Variants in TAFA1 observed in about 807,000 individuals in gnomAD.
TAFA1 encodes chemokine-like protein TAFA-1.
In TAFA1, 4 loss-of-function variants were observed where a neutral mutation model predicts 18.5. That is an observed-to-expected ratio of 0.22 (90% CI 0.11 to 0.49). TAFA1 has a LOEUF of 0.49. TAFA1 is among the 20% of genes least tolerant of loss of function. TAFA1 has a pLI of 0.98. For synonymous variants in TAFA1, 56 were observed against 55.2 expected (o/e 1.01, Z -0.06); for missense variants, 147 against 169.0 (o/e 0.87, Z 0.72).
At chr3:68,094,197 A>G (rs962476220) in intron 2 of TAFA1, among the ~76,000 whole-genome samples, 3 of 152,132 alleles carry the variant, frequency 2.0e-5, no homozygotes, top group African/African-American at 7.2e-5. Flanking sequence ...CAAAAATATG[A>G]TACCTAAAAA....
chr3:68,280,699 G>T (rs766613190), intron 2 of TAFA1, among the ~76,000 whole-genome samples: 1 of 152,050 alleles, frequency 6.6e-6, no homozygotes, highest in African/African-American at 2.4e-5. Flanking sequence ...CACTTTCATG[G>T]ATCTAAAAAT....
At chr3:68,535,823 AG>A (rs1182259405) in intron 3 of TAFA1, among the ~76,000 whole-genome samples, 2 of 152,068 alleles carry the variant, frequency 1.3e-5, no homozygotes, top group Non-Finnish European at 2.9e-5. Flanking sequence ...AGGTTTTTAA[AG>A]GGGGAAAAAT....
intron 2 of TAFA1, among the ~76,000 whole-genome samples, chr3:68,060,955 G>T (rs1185028447): frequency 1.3e-5 from 2 of 152,118 alleles, no homozygotes; most frequent in Admixed American, 6.6e-5. Flanking sequence ...ATCCACAGTG[G>T]GTGTGACATA....
rs540378634 is a variant in TAFA1 at position 68,251,085 on chromosome 3, A to C, written c.119-166195A>C. 2.0e-3 allele frequency among the ~76,000 whole-genome samples: 292 copies of C among 147,190 alleles called. 1 individual carries two copies. The highest frequency in any genetic ancestry group is 3.6e-3 in the Non-Finnish European group (237 of 65,962). On this transcript the variant is annotated intron_variant, in intron 2 of 4. Transcript: ENST00000478136. ...AGATTATTGTTAATCAAGAAAAAAA[A>C]ACCAAAATAAATTATTAGTCTATTA...
At chr3:68,362,929 T>A (rs555202717) in intron 2 of TAFA1, among the ~76,000 whole-genome samples, 1 of 131,432 alleles carries the variant, frequency 7.6e-6, no homozygotes, top group Non-Finnish European at 1.6e-5. Flanking sequence ...AATCCCAAAT[T>A]AGATTTCTTC....
chr3:68,527,152 C>T (rs973133892), intron 3 of TAFA1, among the ~76,000 whole-genome samples: 2 of 152,092 alleles, frequency 1.3e-5, no homozygotes, highest in African/African-American at 2.4e-5. Flanking sequence ...TTAGTGAAAG[C>T]AAGACCAACA....
intron 2 of TAFA1, among the ~76,000 whole-genome samples, chr3:68,209,819 A>G (rs1207391372): frequency 5.9e-5 from 9 of 152,040 alleles, no homozygotes; most frequent in South Asian, 2.1e-4. Context: ...AATAAGAGGC[A>G]TAAAACCCAC....
chr3:68,120,795 G>A (rs1322786762), intron 2 of TAFA1, among the ~76,000 whole-genome samples: 1 of 152,074 alleles, frequency 6.6e-6, no homozygotes, highest in African/African-American at 2.4e-5. Flanking sequence ...CTATGGTAGG[G>A]GATCTCCTCA....
intron 2 of TAFA1, among the ~76,000 whole-genome samples, chr3:68,115,032 C>A (rs2065308828): frequency 6.6e-6 from 1 of 151,930 alleles, no homozygotes; most frequent in South Asian, 2.1e-4. Flanking sequence ...TCATAGAAGA[C>A]AAATGTATGA....
chr3:68,353,490 T>C (rs900170077), intron 2 of TAFA1, among the ~76,000 whole-genome samples: 1 of 152,100 alleles, frequency 6.6e-6, no homozygotes, highest in Non-Finnish European at 1.5e-5. Context: ...TGAGAAGTTT[T>C]TGATGCTTTA....
At chr3:68,409,632 T>A (rs557527486) in intron 2 of TAFA1, among the ~76,000 whole-genome samples, 1 of 152,284 alleles carries the variant, frequency 6.6e-6, no homozygotes, top group East Asian at 1.9e-4. Flanking sequence ...TCTCTGGTAG[T>A]ATCTTTATAG....
At chr3:68,395,001 G>A (rs2070345338) in intron 2 of TAFA1, among the ~76,000 whole-genome samples, 2 of 152,078 alleles carry the variant, frequency 1.3e-5, no homozygotes, top group Admixed American at 6.6e-5. Context: ...TATCATCTGA[G>A]TGAACAGGCA....
intron 3 of TAFA1, among the ~76,000 whole-genome samples, chr3:68,430,093 G>C (rs2071139401): frequency 6.6e-6 from 1 of 151,912 alleles, no homozygotes; most frequent in African/African-American, 2.4e-5. Context: ...GACAGACCAT[G>C]ATCTAATCAT....
At chr3:68,071,237 T>A (rs1195737567) in intron 2 of TAFA1, among the ~76,000 whole-genome samples, 1 of 152,178 alleles carries the variant, frequency 6.6e-6, no homozygotes. Context: ...GAGGAGGAAG[T>A]CACACCTTAT....
intron 2 of TAFA1, among the ~76,000 whole-genome samples, chr3:68,202,661 T>C (rs2066481604): frequency 6.6e-6 from 1 of 151,714 alleles, no homozygotes; most frequent in Admixed American, 6.6e-5. Context: ...ATGGGTACTG[T>C]GAGTAACTTA....
intron 2 of TAFA1, among the ~76,000 whole-genome samples, chr3:68,333,652 T>G (rs1309999670): frequency 2.6e-5 from 4 of 152,142 alleles, no homozygotes; most frequent in African/African-American, 4.8e-5. Context: ...AACTAACATG[T>G]AATCTAACAA....
rs184073092 is a variant in TAFA1, at chr3:68,059,316, T to G, written c.118+52572T>G. Among the ~76,000 whole-genome samples, 1,114 of 152,274 alleles carry G rather than the reference T, an allele frequency of 7.3e-3. 9 individuals carry two copies. The highest frequency in any genetic ancestry group is 0.025 in the South Asian group (121 of 4,814). On this transcript the variant is annotated intron_variant, in intron 2 of 4. Coordinates refer to ENST00000478136, the MANE Select transcript of TAFA1 (RefSeq NM_213609.4). ...AAATGTTATATATATATGAAACATT[T>G]GTTCCTTATAACAACCCTGGAAAGT...
At chr3:68,240,140 G>T (rs1404796215) in intron 2 of TAFA1, among the ~76,000 whole-genome samples, 1 of 152,146 alleles carries the variant, frequency 6.6e-6, no homozygotes, top group Non-Finnish European at 1.5e-5. Context: ...AAATGATGAA[G>T]AGAATGGGAT....
chr3:68,026,374 T>C (rs976116658), intron 2 of TAFA1, among the ~76,000 whole-genome samples: 2 of 151,822 alleles, frequency 1.3e-5, no homozygotes, highest in African/African-American at 4.8e-5. Context: ...TTTCTCCCAA[T>C]CGCCTAACAG....
Sources: gnomAD v4.1 joint callset for allele counts (sites outside exome capture counted in the v4.1 genomes callset) on GRCh38, gnomAD v4.1.1 for gene constraint, MANE v1.5 for transcripts, NCBI Gene and HGNC (gene_info 2026-07-23, HGNC 2026-07-21) for gene names.